PDK1: variants seen among roughly 807,000 people sequenced by gnomAD.
The protein encoded by PDK1 is pyruvate dehydrogenase kinase 1, also known as [Pyruvate dehydrogenase (acetyl-transferring)] kinase isozyme 1, mitochondrial.
A neutral mutation model predicts 54.2 loss-of-function variants in PDK1; 39 were observed. That is an observed-to-expected ratio of 0.72 (90% CI 0.56 to 0.94). The LOEUF (loss-of-function observed/expected upper bound fraction) is 0.94, where lower values mean the gene tolerates loss of function less well. Ranked by LOEUF, PDK1 falls within the 40% of genes least tolerant of loss-of-function variation. The pLI, the probability that PDK1 is intolerant of heterozygous loss-of-function variation, is 0.00. For synonymous variants in PDK1, 221 were observed against 207.1 expected (o/e 1.07, Z -0.58); for missense variants, 552 against 566.0 (o/e 0.98, Z 0.25).
chr2:172,686,221 C>T, the PDK1 span, among the ~76,000 whole-genome samples: 1 of 152,200 alleles, frequency 6.6e-6, no homozygotes, highest in African/African-American at 2.4e-5. Context: ...CTGTGGCAGC[C>T]ATAGAGATAC....
the PDK1 span, among the ~76,000 whole-genome samples, chr2:172,704,889 C>A: frequency 3.9e-5 from 6 of 152,102 alleles, no homozygotes; most frequent in African/African-American, 1.4e-4. Context: ...GTTATGGAGT[C>A]CCAATATCAA....
At chr2:172,709,486 T>C in the PDK1 span, among the ~76,000 whole-genome samples, 1 of 152,226 alleles carries the variant, frequency 6.6e-6, no homozygotes, top group Non-Finnish European at 1.5e-5. Context: ...CCAAATAAGT[T>C]TGCTGTCAGT....
intron 6 of PDK1, 90 bp from the exon 7 acceptor site, chr2:172,568,651 T>A (rs1574479665): frequency 1.3e-6 from 1 of 799,466 alleles, no homozygotes; most frequent in East Asian, 2.4e-5. Flanking sequence ...CCGTAGTTAA[T>A]GTTTTCTTTT....
rs1433594535 is a variant in PDK1, at chr2:172,596,624, T to G, written c.*655T>G. 1 of 152,232 alleles carries G rather than the reference T, an allele frequency of 6.6e-6. No individual in the cohort carries two copies. The highest frequency in any genetic ancestry group is 1.5e-5 in the Non-Finnish European group (1 of 68,042). 9.4% of individuals were successfully genotyped at this position (152,232 alleles called of 1,614,324 possible). On this transcript the variant is annotated 3_prime_UTR_variant, in exon 11 of 11. Coordinates refer to ENST00000282077, the MANE Select transcript of PDK1 (RefSeq NM_002610.5). Reference sequence around the variant, plus strand: ...GGGCCATCTTTTCTAAGTGTACTTCTGATTAATGCAAGGGGAAATTTTTAT... The same window carrying G: ...GGGCCATCTTTTCTAAGTGTACTTCGGATTAATGCAAGGGGAAATTTTTAT...
upstream of PDK1, chr2:172,555,776 T>TA (rs1381025611): frequency 2.8e-5 from 5 of 178,004 alleles, no homozygotes; most frequent in Non-Finnish European, 5.9e-5. Context: ...CCTCGCCTCT[T>TA]AGTGTCCCCA....
chr2:172,615,390 G>T, the PDK1 span, among the ~76,000 whole-genome samples: 1 of 152,184 alleles, frequency 6.6e-6, no homozygotes, highest in Non-Finnish European at 1.5e-5. Context: ...TTGGGAGGCC[G>T]AGGCGGATGG....
At chr2:172,718,653 T>TG in the PDK1 span, among the ~76,000 whole-genome samples, 10 of 152,278 alleles carry the variant, frequency 6.6e-5, no homozygotes, top group Admixed American at 5.2e-4. Context: ...TGATTCCGTT[T>TG]GGGGTGATAA....
the PDK1 span, among the ~76,000 whole-genome samples, chr2:172,682,372 T>A: frequency 6.6e-6 from 1 of 152,188 alleles, no homozygotes; most frequent in Non-Finnish European, 1.5e-5. Context: ...GCCCTGGAAG[T>A]CTGTGGGCAG....
the PDK1 span, among the ~76,000 whole-genome samples, chr2:172,699,758 TTA>T: frequency 1.3e-5 from 2 of 148,658 alleles, no homozygotes; most frequent in East Asian, 2.0e-4. Context: ...TTTTTTATTA[TTA>T]TTTTTTTTTT....
chr2:172,556,657 A>T (rs1688349849), intron 1 of PDK1: 1 of 267,338 alleles, frequency 3.7e-6, no homozygotes. Flanking sequence ...CCTTCCAAGG[A>T]GTCGGACCCG....
At chr2:172,622,822 T>TA in the PDK1 span, among the ~76,000 whole-genome samples, 28 of 147,612 alleles carry the variant, frequency 1.9e-4, no homozygotes, top group Middle Eastern at 3.4e-3. Context: ...TATGTTTATA[T>TA]ATTATATGTA....
chr2:172,628,531 A>C, the PDK1 span, among the ~76,000 whole-genome samples: 178 of 152,292 alleles, frequency 1.2e-3, no homozygotes, highest in Non-Finnish European at 2.1e-3. Context: ...GGTACCAGGC[A>C]AGAGTAATGT....
At chr2:172,632,131 G>A in the PDK1 span, among the ~76,000 whole-genome samples, 1 of 151,918 alleles carries the variant, frequency 6.6e-6, no homozygotes, top group Non-Finnish European at 1.5e-5. Flanking sequence ...AAAATTAGCT[G>A]GGCATGGCAG....
chr2:172,654,282 G>A, the PDK1 span, among the ~76,000 whole-genome samples: 1 of 152,156 alleles, frequency 6.6e-6, no homozygotes, highest in South Asian at 2.1e-4. Context: ...TATACCCAAA[G>A]GATTATAAAT....
chr2:172,669,531 T>C, the PDK1 span, among the ~76,000 whole-genome samples: 8,556 of 152,266 alleles, frequency 0.056, 992 homozygotes, highest in East Asian at 0.53. Context: ...CCTTTGACTA[T>C]ATACCCACTA....
intron 8 of PDK1, among the ~76,000 whole-genome samples, chr2:172,586,058 C>T (rs1299292412): frequency 6.6e-6 from 1 of 151,152 alleles, no homozygotes; most frequent in Non-Finnish European, 1.5e-5. Context: ...ACTCGGGAGG[C>T]TGAGGCAGGA....
chr2:172,639,019 C>T, the PDK1 span, among the ~76,000 whole-genome samples: 7 of 152,256 alleles, frequency 4.6e-5, no homozygotes, highest in South Asian at 6.2e-4. Context: ...CATTTTAGTA[C>T]CTTTTTAAAA....
the PDK1 span, among the ~76,000 whole-genome samples, chr2:172,646,973 G>T: frequency 2.0e-4 from 31 of 151,940 alleles, no homozygotes; most frequent in African/African-American, 7.3e-4. Context: ...CTGACCTCAG[G>T]TGATCCACCC....
chr2:172,694,436 T>C, the PDK1 span, among the ~76,000 whole-genome samples: 1 of 152,250 alleles, frequency 6.6e-6, no homozygotes, highest in African/African-American at 2.4e-5. Flanking sequence ...CATTATAACA[T>C]TGATGAGAAA....
Sources: allele counts gnomAD v4.1 joint callset (sites outside exome capture counted in the v4.1 genomes callset), GRCh38; gene constraint gnomAD v4.1.1; transcripts MANE v1.5; gene names NCBI Gene and HGNC (gene_info 2026-07-23, HGNC 2026-07-21).